Variants in PCDHGA5 observed in about 807,000 individuals in gnomAD.
PCDHGA5 encodes protocadherin gamma subfamily A, 5.
Under a neutral mutation model 56.7 loss-of-function variants are expected in PCDHGA5, and 36 were observed. That is an observed-to-expected ratio of 0.64 (90% confidence interval 0.49 to 0.84). PCDHGA5 has a LOEUF of 0.84. Among genes scored for constraint, PCDHGA5 ranks in the 40% least tolerant of loss-of-function variants. The pLI, the probability that PCDHGA5 is intolerant of heterozygous loss-of-function variation, is 0.00. For missense variants in PCDHGA5, 1,305 were observed against 1,201.5 expected (o/e 1.09, Z -1.27); for synonymous variants, 563 against 520.2 (o/e 1.08, Z -1.12).
Position 141,431,336 on chromosome 5 carries a change from G to C in PCDHGA5, c.2422-63471G>C, listed in dbSNP as rs1187672228. ...TGGAGCCGACGGTAGTAAGTACCCC[G>C]AATTGGTGCTGAAACGCGCCCTGGA... On this transcript the variant is annotated intron_variant, in intron 1 of 3. Transcript: ENST00000518069. The surrounding 1 kb of genome is among the most constrained non-coding windows in gnomAD (Gnocchi z 4.8). 2.5e-6 allele frequency: 4 copies of C among 1,613,956 alleles called. No individual in the cohort carries two copies. The East Asian group carries it at 6.7e-5, about 27-fold the overall frequency.
chr5:141,370,226 A>T, intron 1 of PCDHGA5: 1 of 580,190 alleles, frequency 1.7e-6, no homozygotes, highest in East Asian at 2.9e-5. Flanking sequence ...CGCTGCAGCC[A>T]GCTCGGAAGA....
At chr5:141,509,327 G>A (rs2099876237) in intron 3 of PCDHGA5, among the ~76,000 whole-genome samples, 1 of 152,188 alleles carries the variant, frequency 6.6e-6, no homozygotes, top group African/African-American at 2.4e-5. Flanking sequence ...AAGCTCTACT[G>A]CCAGCTGGGC....
At position 141,393,888 on chromosome 5, in the gene PCDHGA5, A is replaced by T. The variant is rs371905513; in HGVS notation, c.2421+27137A>T. 2.5e-6 allele frequency: 4 copies of T among 1,613,898 alleles called. No homozygotes were observed. The highest frequency in any genetic ancestry group is 1.3e-5 in the African/African-American group (1 of 74,932). On this transcript the variant is annotated intron_variant, in intron 1 of 3. Transcript: ENST00000518069. ...GTCTTTGTTTAGCCCAGTGTTAGAAAATTCTCTTCCCGGGACAGTAATTGC... is the reference window on the plus strand; with the variant it reads ...GTCTTTGTTTAGCCCAGTGTTAGAATATTCTCTTCCCGGGACAGTAATTGC...
intron 1 of PCDHGA5, chr5:141,384,677 C>T (rs919957351): frequency 2.5e-6 from 4 of 1,614,188 alleles, no homozygotes; most frequent in South Asian, 1.1e-5. Context: ...AAGGTGGTGG[C>T]GGTGGACAAA....
rs775895766 is a variant in PCDHGA5, at chr5:141,384,987, G to T, written c.2421+18236G>T. On this transcript the variant is annotated intron_variant, in intron 1 of 3. Coordinates refer to ENST00000518069, the MANE Select transcript of PCDHGA5 (RefSeq NM_018918.3). ...ACCTCACGTTGTACCTGGTGGTGGC[G>T]GTGGCCACAGTCTCCTGCGTCTTCC... The T allele has an allele frequency of 3.7e-6, 6 of 1,613,996 alleles. No individual in the cohort carries two copies. The African/African-American group carries it at 6.7e-5, about 18-fold the overall frequency.
At chr5:141,430,948 A>C (rs753305931) in intron 1 of PCDHGA5, 47 of 1,609,938 alleles carry the variant, frequency 2.9e-5, no homozygotes, top group Non-Finnish European at 4.0e-5. Context: ...CGGAGCGCGG[A>C]GTCCGCATCA....
intron 1 of PCDHGA5, among the ~76,000 whole-genome samples, chr5:141,492,090 C>T (rs751238997): frequency 1.4e-4 from 21 of 152,258 alleles, no homozygotes; most frequent in Admixed American, 6.5e-5. Flanking sequence ...GCACGCTTCG[C>T]CGGTCTGTAG....
intron 1 of PCDHGA5, chr5:141,440,995 C>G (rs1425894086): frequency 6.6e-6 from 1 of 152,154 alleles, no homozygotes; most frequent in Non-Finnish European, 1.5e-5. Context: ...GTACCCATAT[C>G]TAGTTTGGCC....
intron 2 of PCDHGA5, among the ~76,000 whole-genome samples, chr5:141,504,869 C>T (rs919109041): frequency 6.6e-6 from 1 of 152,134 alleles, no homozygotes; most frequent in Admixed American, 6.5e-5. Flanking sequence ...CCCACCTTCA[C>T]AGTCCTCTGG....
intron 1 of PCDHGA5, chr5:141,418,929 T>A: frequency 6.2e-7 from 1 of 1,614,034 alleles, no homozygotes; most frequent in Non-Finnish European, 8.5e-7. Flanking sequence ...GATCAGATTA[T>A]GGAGGATTCC....
intron 1 of PCDHGA5, chr5:141,375,931 T>C (rs746995876): frequency 6.2e-6 from 10 of 1,613,646 alleles, no homozygotes; most frequent in South Asian, 4.4e-5. Context: ...AGCCAGGACT[T>C]TTCTCAGTGG....
intron 1 of PCDHGA5, chr5:141,418,028 A>C (rs767425160): frequency 1.2e-6 from 2 of 1,613,970 alleles, no homozygotes; most frequent in East Asian, 4.5e-5. Context: ...TCTAGGGCTT[A>C]GTGTCCTGGA....
At chr5:141,394,910 C>T in intron 1 of PCDHGA5, 1 of 1,613,766 alleles carries the variant, frequency 6.2e-7, no homozygotes. Context: ...CAGTGGCTGC[C>T]ATCTCCTGTG....
chr5:141,399,946 G>A (rs911365297), intron 1 of PCDHGA5: 1 of 1,612,270 alleles, frequency 6.2e-7, no homozygotes, highest in African/African-American at 1.3e-5. Context: ...CGTGCTGCAG[G>A]CTAGCGAGCC....
In PCDHGA5 at chr5:141,476,585, G is replaced by C; in HGVS notation, c.2422-18222G>C. 6.2e-7 allele frequency: 1 copy of C among 1,614,214 alleles called. No homozygotes were observed. The highest frequency in any genetic ancestry group is 8.5e-7 in the Non-Finnish European group (1 of 1,180,040). On this transcript the variant is annotated intron_variant, in intron 1 of 3. Coordinates refer to ENST00000518069, the MANE Select transcript of PCDHGA5 (RefSeq NM_018918.3). The surrounding 1 kb of genome is among the most constrained non-coding windows in gnomAD (Gnocchi z 7.6). ...GGCTCCGGGGACGCGCTTTCCGCTC[G>C]AGAGCGCGCACGATCCCGATGTGGG...
chr5:141,406,761 A>T (rs1327829124), intron 1 of PCDHGA5, among the ~76,000 whole-genome samples: 1 of 152,234 alleles, frequency 6.6e-6, no homozygotes. Flanking sequence ...ACAAGGAATT[A>T]AAAATATTTC....
At chr5:141,426,639 AATGTGATGATAGAAGATATAAATG>A (rs1418104928) in intron 1 of PCDHGA5, 1 of 407,642 alleles carries the variant, frequency 2.5e-6, no homozygotes, top group Non-Finnish European at 5.0e-6. Context: ...TTTTCACATA[AATGTGATGATAGAAGATATAAATG>A]ATAACCCACC....
chr5:141,366,518 A>G lies in PCDHGA5; in HGVS notation c.2188A>G (p.Ser730Gly), dbSNP rs202129179. The change falls in exon 1 of 4, where the codon AGC becomes GGC. Residue 730 changes from serine to glycine, a missense_variant. Ser to Gly is a moderately conservative substitution (Grantham distance 56, BLOSUM62 0). Coordinates refer to ENST00000518069, the MANE Select transcript of PCDHGA5 (RefSeq NM_018918.3). ...GTCACGCCTGCTTCAGGCTGAAGGC[A>G]GCAGGTTGGCGGGTGTGCCCGCCTC... ...HKSRLLQAEG[S>G]RLAGVPASHF... 2.2e-4 allele frequency: 362 copies of G among 1,614,126 alleles called. 1 individual carries two copies. Among genetic ancestry groups the G allele is most frequent in the Non-Finnish European group, 2.9e-4 (339 of 1,180,048 alleles).
At chr5:141,423,163 G>A (rs758720418) in intron 1 of PCDHGA5, 2 of 1,613,480 alleles carry the variant, frequency 1.2e-6, no homozygotes, top group South Asian at 2.2e-5. Context: ...CCTCGTGGTG[G>A]CCGTCCAGGA....
Sources: gnomAD v4.1 joint callset for allele counts (sites outside exome capture counted in the v4.1 genomes callset) on GRCh38, gnomAD v4.1.1 for gene constraint, Gnocchi (gnomAD v3.1) non-coding constraint, MANE v1.5 for transcripts, NCBI Gene and HGNC (gene_info 2026-07-23, HGNC 2026-07-21) for gene names.